Variants in ST3GAL3 observed in about 807,000 individuals in gnomAD.
The protein encoded by ST3GAL3 is ST3 beta-galactoside alpha-2,3-sialyltransferase 3.
In ST3GAL3, 21 loss-of-function variants were observed where a neutral mutation model predicts 50.1. That is an observed-to-expected ratio of 0.42 (90% CI 0.30 to 0.60). The LOEUF is 0.60. Ranked by LOEUF, ST3GAL3 falls within the 20% of genes least tolerant of loss-of-function variation. The pLI, the probability that ST3GAL3 is intolerant of heterozygous loss-of-function variation, is 0.19. For synonymous variants in ST3GAL3, 183 were observed against 190.0 expected (o/e 0.96, Z 0.30); for missense variants, 353 against 489.4 (o/e 0.72, Z 2.63).
At chr1:43,760,020 G>T (rs12747687) in intron 2 of ST3GAL3, among the ~76,000 whole-genome samples, 3,954 of 152,242 alleles carry the variant, frequency 0.026, 55 homozygotes, top group Middle Eastern at 0.048. Context: ...AAGCTTTATT[G>T]TTGCCCCAAG....
intron 2 of ST3GAL3, among the ~76,000 whole-genome samples, chr1:43,782,052 C>A (rs1699544852): frequency 6.6e-6 from 1 of 152,206 alleles, no homozygotes; most frequent in African/African-American, 2.4e-5. Context: ...CTTCCATTCT[C>A]ACGGAGTTAA....
At chr1:43,733,265 C>A (rs919150234) in intron 1 of ST3GAL3, among the ~76,000 whole-genome samples, 2 of 152,136 alleles carry the variant, frequency 1.3e-5, no homozygotes, top group African/African-American at 2.4e-5. Context: ...CCTCTCAGGT[C>A]TGAGCTGCCA....
intron 5 of ST3GAL3, among the ~76,000 whole-genome samples, chr1:43,864,828 A>C (rs954412345): frequency 6.6e-6 from 1 of 152,058 alleles, no homozygotes; most frequent in Non-Finnish European, 1.5e-5. Flanking sequence ...GGCAGCTGGC[A>C]AGGTAGTGGC....
rs528256166 is a variant in ST3GAL3, at chr1:43,745,658, T to C, written c.118+9278T>C. On this transcript the variant is annotated intron_variant, in intron 2 of 11. Transcript: ENST00000347631. ...TTGATTGATTGATTGAGACAGAATC[T>C]CACTCTGTAGCCCAGGCCAGAGTGC... Among the ~76,000 whole-genome samples, 7 of 152,340 alleles carry C rather than the reference T, an allele frequency of 4.6e-5. 1 individual carries two copies. The South Asian group carries it at 1.4e-3, about 32-fold the overall frequency.
Position 43,804,517 on chromosome 1 carries a change from CAGTGACTCA to C in ST3GAL3, c.167-10373_167-10365del, listed in dbSNP as rs535999731. Among the ~76,000 whole-genome samples, 282 of 152,194 alleles carry C rather than the reference CAGTGACTCA, an allele frequency of 1.9e-3. 1 individual carries two copies. Among genetic ancestry groups the C allele is most frequent in the African/African-American group, 6.5e-3 (269 of 41,532 alleles). On this transcript the variant is annotated intron_variant, in intron 3 of 11. Coordinates refer to ENST00000347631, the MANE Select transcript of ST3GAL3 (RefSeq NM_006279.5). ...TGGTTGAGATGGAGCAGACAGACGCCAGTGACTCAGGTGACTCAGGAAGTCTTTGTGGAG... is the reference window on the plus strand; with the variant it reads ...TGGTTGAGATGGAGCAGACAGACGCCGGTGACTCAGGAAGTCTTTGTGGAG...
At chr1:43,810,652 C>T (rs1039745943) in intron 3 of ST3GAL3, among the ~76,000 whole-genome samples, 1 of 152,158 alleles carries the variant, frequency 6.6e-6, no homozygotes, top group African/African-American at 2.4e-5. Flanking sequence ...TTTCCACAAA[C>T]CCCATATCCT....
intron 2 of ST3GAL3, among the ~76,000 whole-genome samples, chr1:43,777,327 C>T (rs1697652704): frequency 2.0e-5 from 3 of 152,106 alleles, no homozygotes; most frequent in Admixed American, 1.3e-4. Flanking sequence ...CAAGACAATC[C>T]TAAGCAAAAA....
intron 5 of ST3GAL3, among the ~76,000 whole-genome samples, chr1:43,869,439 A>G (rs1370625027): frequency 6.6e-6 from 1 of 152,066 alleles, no homozygotes; most frequent in African/African-American, 2.4e-5. Context: ...TGTCAGTTCC[A>G]TCTTACGACT....
At chr1:43,719,934 G>GAAAAAAAAAAAAAAAA (rs148364295) in intron 1 of ST3GAL3, among the ~76,000 whole-genome samples, 1 of 41,704 alleles carries the variant, frequency 2.4e-5, no homozygotes. Context: ...CTCTGTCTCA[G>GAAAAAAAAAAAAAAAA]AAAAAAAAAA....
intron 5 of ST3GAL3, among the ~76,000 whole-genome samples, chr1:43,869,533 C>T (rs1311236559): frequency 1.3e-5 from 2 of 152,170 alleles, no homozygotes; most frequent in South Asian, 2.1e-4. Flanking sequence ...GAAGGAGAAG[C>T]ATCTCCCCAT....
chr1:43,835,267 G>A (rs150695102), intron 4 of ST3GAL3, among the ~76,000 whole-genome samples: 26 of 152,222 alleles, frequency 1.7e-4, no homozygotes, highest in East Asian at 5.8e-4. Flanking sequence ...GGGAGTTGGC[G>A]ACCGTTAATC....
rs566313800 is a variant in ST3GAL3, at chr1:43,829,390, G to T, written c.210-8829G>T. ...ACATTCCTCCACTCTCTATTATTTT[G>T]CTTCCCAAATATATCTTACAAATAT... is the stretch of plus-strand genomic sequence containing the variant. On this transcript the variant is annotated intron_variant, in intron 4 of 11. Transcript: ENST00000347631. Among the ~76,000 whole-genome samples the T allele has an allele frequency of 9.2e-5, 14 of 152,236 alleles. No homozygotes were observed. In the South Asian group the frequency reaches 2.7e-3, roughly 29 times the overall value.
intron 4 of ST3GAL3, among the ~76,000 whole-genome samples, chr1:43,819,719 C>G (rs900075874): frequency 6.6e-6 from 1 of 152,108 alleles, no homozygotes; most frequent in Non-Finnish European, 1.5e-5. Context: ...TACAGATGGT[C>G]CCATTACCCA....
chr1:43,855,262 G>C (rs3124746), intron 5 of ST3GAL3, among the ~76,000 whole-genome samples: 137,677 of 152,238 alleles, frequency 0.9, 62,465 homozygotes, highest in African/African-American at 0.96. Context: ...CAATGGGAGC[G>C]GATCATAATT....
At chr1:43,905,978 C>G (rs1273307930) in intron 9 of ST3GAL3, among the ~76,000 whole-genome samples, 1 of 94,568 alleles carries the variant, frequency 1.1e-5, no homozygotes, top group Non-Finnish European at 2.4e-5. Flanking sequence ...TCTCCTCCTC[C>G]TGCTCCCCTT....
At chr1:43,887,239 G>A (rs902470831) in intron 5 of ST3GAL3, among the ~76,000 whole-genome samples, 1 of 152,152 alleles carries the variant, frequency 6.6e-6, no homozygotes. Flanking sequence ...GTGTGTTCTC[G>A]CAGCCCCTCA....
intron 4 of ST3GAL3, among the ~76,000 whole-genome samples, chr1:43,833,051 TGAAAC>T (rs1276507523): frequency 6.6e-6 from 1 of 152,182 alleles, no homozygotes; most frequent in East Asian, 1.9e-4. Context: ...AATTAGCACA[TGAAAC>T]GAGGGAGCAG....
intron 4 of ST3GAL3, among the ~76,000 whole-genome samples, chr1:43,828,848 TG>T (rs1197629497): frequency 6.6e-6 from 1 of 152,200 alleles, no homozygotes; most frequent in East Asian, 1.9e-4. Context: ...TTGGCCACTT[TG>T]GAGCACAGTT....
At chr1:43,869,862 C>G (rs1031465098) in intron 5 of ST3GAL3, among the ~76,000 whole-genome samples, 1 of 152,212 alleles carries the variant, frequency 6.6e-6, no homozygotes, top group African/African-American at 2.4e-5. Context: ...ATAAGCCTAA[C>G]GCAGAAACTT....
Sources: gnomAD v4.1 joint callset for allele counts (sites outside exome capture counted in the v4.1 genomes callset) on GRCh38, gnomAD v4.1.1 for gene constraint, MANE v1.5 for transcripts, NCBI Gene and HGNC (gene_info 2026-07-23, HGNC 2026-07-21) for gene names.